STXBP5: variants seen among roughly 807,000 people sequenced by gnomAD.
STXBP5 encodes syntaxin binding protein 5, also known as syntaxin-binding protein 5.
Under a neutral mutation model 152.4 loss-of-function variants are expected in STXBP5, and 50 were observed. The ratio of observed to expected loss-of-function variants is 0.33; its 90% confidence interval spans 0.26 to 0.42. The LOEUF (loss-of-function observed/expected upper bound fraction) is 0.42, where lower values mean the gene tolerates loss of function less well. Ranked by LOEUF, STXBP5 falls within the 10% of genes least tolerant of loss-of-function variation. STXBP5 has a pLI of 1.00. For synonymous variants in STXBP5, 492 were observed against 494.7 expected (o/e 0.99, Z 0.07); for missense variants, 1,167 against 1,388.6 (o/e 0.84, Z 2.54).
At chr6:147,358,974 A>G (rs1001803312) in intron 22 of STXBP5, 110 bp from the exon 23 acceptor site, 1 of 1,228,908 alleles carries the variant, frequency 8.1e-7, no homozygotes, top group Non-Finnish European at 1.1e-6. Flanking sequence ...AATATGACGT[A>G]GGTTTTGTCT....
chr6:147,337,812 A>G (rs935772670), intron 19 of STXBP5, among the ~76,000 whole-genome samples: 4 of 152,028 alleles, frequency 2.6e-5, no homozygotes, highest in African/African-American at 9.7e-5. Flanking sequence ...ATATTTTTTG[A>G]AGTGGGATTT....
intron 2 of STXBP5, among the ~76,000 whole-genome samples, chr6:147,219,977 A>G (rs1414562872): frequency 6.6e-6 from 1 of 151,416 alleles, no homozygotes; most frequent in African/African-American, 2.4e-5. Context: ...GAAGTGATTG[A>G]TTTTACCTGT....
At chr6:147,207,170 C>T (rs1292823314) in intron 2 of STXBP5, among the ~76,000 whole-genome samples, 1 of 152,054 alleles carries the variant, frequency 6.6e-6, no homozygotes, top group African/African-American at 2.4e-5. Flanking sequence ...ATTTTACTTA[C>T]ATTTTAAAGT....
At chr6:147,293,484 C>G (rs796159354) in intron 9 of STXBP5, 43 of 152,384 alleles carry the variant, frequency 2.8e-4, no homozygotes, top group African/African-American at 1.0e-3. Flanking sequence ...GAATCAGCCT[C>G]TATTCATTAA....
intron 9 of STXBP5, among the ~76,000 whole-genome samples, chr6:147,306,787 C>T (rs1274947208): frequency 6.6e-6 from 1 of 152,168 alleles, no homozygotes; most frequent in South Asian, 2.1e-4. Context: ...TCATTTAGGT[C>T]CCAGCCCAAC....
chr6:147,269,927 G>C (rs1017464215), intron 7 of STXBP5, among the ~76,000 whole-genome samples: 4 of 152,084 alleles, frequency 2.6e-5, no homozygotes, highest in Non-Finnish European at 5.9e-5. Context: ...TTTCAAATTT[G>C]ATGAAAACTA....
At chr6:147,289,345 A>T (rs753043492) in intron 8 of STXBP5, among the ~76,000 whole-genome samples, 2 of 152,172 alleles carry the variant, frequency 1.3e-5, no homozygotes, top group Admixed American at 6.5e-5. Context: ...GAACTTTAAG[A>T]TCGCTTTGTC....
chr6:147,344,810 G>C lies in STXBP5; in HGVS notation c.2254+5426G>C, dbSNP rs71566474. 3.2e-3 allele frequency among the ~76,000 whole-genome samples: 486 copies of C among 152,268 alleles called. 4 individuals are homozygous for C. Among genetic ancestry groups the C allele is most frequent in the Admixed American group, 5.0e-3 (77 of 15,290 alleles). ...CAATTCATTCCGTAACACTGTGTTA[G>C]GTTTATGTAATACCTTGTATTCGGT... On this transcript the variant is annotated intron_variant, in intron 21 of 27. Transcript: ENST00000321680.
intron 21 of STXBP5, among the ~76,000 whole-genome samples, chr6:147,347,351 T>C (rs1303883554): frequency 6.6e-6 from 1 of 151,314 alleles, no homozygotes; most frequent in Non-Finnish European, 1.5e-5. Context: ...TTTCTAACCA[T>C]GAAAGAAGCC....
At chr6:147,371,755 A>C (rs1016226059) in intron 25 of STXBP5, among the ~76,000 whole-genome samples, 13 of 152,206 alleles carry the variant, frequency 8.5e-5, no homozygotes, top group Non-Finnish European at 1.2e-4. Flanking sequence ...ATTAAACACC[A>C]AATAAGAAAT....
Position 147,310,170 on chromosome 6 carries a change from C to G in STXBP5, c.1004C>G (p.Thr335Ser), listed in dbSNP as rs1782291403. ...TTAACAGTGATGCATGGGAAAAGCA[C>G]TGCTGTGCTAGAAATGGACTATTCA... ...PCLTVMHGKS[T>S]AVLEMDYSIV... is the part of the protein sequence containing the mutation. The change falls in exon 10 of 28, where the codon ACT becomes AGT. Residue 335 changes from threonine to serine, a missense_variant. Around this residue, in one of 3 missense-constraint regions of STXBP5, gnomAD observed 833 missense variants for 986.3 expected, o/e 0.84. Coordinates refer to ENST00000321680, the MANE Select transcript of STXBP5 (RefSeq NM_001127715.4). 1.2e-6 allele frequency: 2 copies of G among 1,606,088 alleles called. No homozygotes were observed. The highest frequency in any genetic ancestry group is 1.7e-6 in the Non-Finnish European group (2 of 1,177,698).
At chr6:147,353,585 AAT>A (rs1241177983) in intron 22 of STXBP5, among the ~76,000 whole-genome samples, 1 of 152,158 alleles carries the variant, frequency 6.6e-6, no homozygotes, top group African/African-American at 2.4e-5. Flanking sequence ...AAACCGCAAG[AAT>A]ATATTTTCTT....
rs1417627112 is a variant in STXBP5, at chr6:147,388,633, T to C, written c.*3878T>C. ...TAAAAAATCATACATCATTTAAAAA[T>C]CTTCACACATGAACAGGAAAGATAT... On this transcript the variant is annotated 3_prime_UTR_variant, in exon 28 of 28. Transcript: ENST00000321680. 4 of 151,300 alleles carry C rather than the reference T, an allele frequency of 2.6e-5. No individual in the cohort carries two copies. Among genetic ancestry groups the C allele is most frequent in the African/African-American group, 9.7e-5 (4 of 41,334 alleles). 9.4% of individuals were successfully genotyped at this position (151,300 alleles called of 1,614,324 possible). A position where few individuals can be genotyped will look rare whatever the true frequency, so the allele number is the denominator to read the frequency against.
At chr6:147,376,423 A>G (rs532744510) in intron 26 of STXBP5, among the ~76,000 whole-genome samples, 11 of 152,248 alleles carry the variant, frequency 7.2e-5, no homozygotes, top group East Asian at 1.9e-4. Flanking sequence ...ATAAACAGAT[A>G]GTACATAAAG....
chr6:147,334,085 A>T, intron 18 of STXBP5, 72 bp from the exon 19 acceptor site: 7 of 1,437,306 alleles, frequency 4.9e-6, no homozygotes, highest in Non-Finnish European at 6.8e-6. Context: ...TTAAATGTGT[A>T]CTATAAATAA....
chr6:147,349,442 A>G (rs1357593220), intron 21 of STXBP5, among the ~76,000 whole-genome samples: 1 of 152,220 alleles, frequency 6.6e-6, no homozygotes. Flanking sequence ...TATATTGTCA[A>G]AACTCAGTGA....
intron 19 of STXBP5, among the ~76,000 whole-genome samples, chr6:147,335,410 T>A (rs1783773737): frequency 6.6e-6 from 1 of 152,232 alleles, no homozygotes; most frequent in South Asian, 2.1e-4. Flanking sequence ...TAAATGCATT[T>A]GTCAATATGT....
chr6:147,212,798 C>T (rs1241075177), intron 2 of STXBP5, among the ~76,000 whole-genome samples: 2 of 152,152 alleles, frequency 1.3e-5, no homozygotes, highest in Non-Finnish European at 2.9e-5. Context: ...TGTGAATGAA[C>T]TAACACAAAT....
chr6:147,255,528 G>T (rs200205721), intron 4 of STXBP5, among the ~76,000 whole-genome samples: 5 of 144,456 alleles, frequency 3.5e-5, no homozygotes, highest in African/African-American at 1.0e-4. Context: ...TGTTGTTGTT[G>T]TTTTTTGTTT....
Sources: allele counts gnomAD v4.1 joint callset (sites outside exome capture counted in the v4.1 genomes callset), GRCh38; gene constraint gnomAD v4.1.1; regional missense constraint gnomAD v4.1.1; transcripts MANE v1.5; gene names NCBI Gene and HGNC (gene_info 2026-07-23, HGNC 2026-07-21).